Variants in PRKAR1B observed in about 807,000 individuals in gnomAD.
The protein encoded by PRKAR1B is cAMP-dependent protein kinase type I-beta regulatory subunit.
A neutral mutation model predicts 46.5 loss-of-function variants in PRKAR1B; 22 were observed. That is an observed-to-expected ratio of 0.47 (90% confidence interval 0.34 to 0.68). The LOEUF is 0.68. Ranked by LOEUF, PRKAR1B falls within the 30% of genes least tolerant of loss-of-function variation. The pLI, the probability that PRKAR1B is intolerant of heterozygous loss-of-function variation, is 0.01. For synonymous variants in PRKAR1B, 259 were observed against 217.7 expected, an observed-to-expected ratio of 1.19 and a Z score of -1.67; for missense variants, 445 against 535.6, an observed-to-expected ratio of 0.83 and a Z score of 1.67.
intron 4 of PRKAR1B, among the ~76,000 whole-genome samples, chr7:633,735 A>C (rs1783889179): frequency 6.6e-6 from 1 of 151,910 alleles, no homozygotes; most frequent in Non-Finnish European, 1.5e-5. Context: ...CAGGTTCCTG[A>C]GGTGATTTAA....
chr7:598,794 A>G (rs1385297598), intron 6 of PRKAR1B, among the ~76,000 whole-genome samples: 1 of 152,188 alleles, frequency 6.6e-6, no homozygotes, highest in Non-Finnish European at 1.5e-5. Flanking sequence ...GGCGGGTAAC[A>G]TCTTGTGCCC....
intron 9 of PRKAR1B, chr7:565,656 G>C (rs1403917141): frequency 6.6e-6 from 1 of 152,198 alleles, no homozygotes; most frequent in African/African-American, 2.4e-5. Flanking sequence ...ATTTAAAACT[G>C]GTCTGGTGAT....
chr7:561,266 A>G (rs1202635923), intron 9 of PRKAR1B, among the ~76,000 whole-genome samples: 1 of 151,714 alleles, frequency 6.6e-6, no homozygotes, highest in Non-Finnish European at 1.5e-5. Context: ...ACAGGCACAC[A>G]CGCCTGTGCA....
intron 4 of PRKAR1B, among the ~76,000 whole-genome samples, chr7:635,942 A>ACGTCCTC (rs1562578410): frequency 4.3e-5 from 6 of 138,722 alleles, no homozygotes; most frequent in South Asian, 2.3e-4. Context: ...CCGCGCCCAC[A>ACGTCCTC]CATCCTCCAC....
intron 1 of PRKAR1B, chr7:712,648 C>T (rs1357389790): frequency 1.7e-5 from 2 of 117,694 alleles, no homozygotes; most frequent in African/African-American, 6.1e-5. Context: ...CCGGCTCTCC[C>T]CGCCCCCGCC....
chr7:708,340 G>GT (rs1780439849), intron 2 of PRKAR1B, among the ~76,000 whole-genome samples: 2 of 152,074 alleles, frequency 1.3e-5, no homozygotes, highest in East Asian at 3.9e-4. Context: ...TAAGATGCCC[G>GT]GTGTGTGGTA....
chr7:551,218 A>G (rs1339767490), intron 10 of PRKAR1B, among the ~76,000 whole-genome samples, 171 bp downstream of exon 10: 1 of 152,054 alleles, frequency 6.6e-6, no homozygotes. Flanking sequence ...TGGGACTTCA[A>G]TTTGGGGGAA....
chr7:718,412 A>G (rs1554247209), intron 1 of PRKAR1B, among the ~76,000 whole-genome samples: 1 of 147,278 alleles, frequency 6.8e-6, no homozygotes, highest in Non-Finnish European at 1.5e-5. Context: ...GATGGAGTGC[A>G]GTGGCACAAT....
rs191088007 is a variant in PRKAR1B, at chr7:670,448, G to A, written c.440+6781C>T. 1.2e-4 allele frequency among the ~76,000 whole-genome samples: 19 copies of A among 152,378 alleles called. 1 individual carries two copies. The East Asian group carries it at 3.7e-3, about 29-fold the overall frequency. On this transcript the variant is annotated intron_variant, in intron 4 of 10. Transcript: ENST00000537384. ...CCCGTGTTGATAGCTGAGCCCAAGA[G>A]CTAGGCGGCCTGGGCCTCTGAGCTC...
chr7:718,035 C>T lies in PRKAR1B; in HGVS notation c.-22-6508G>A, dbSNP rs187359408. Among the ~76,000 whole-genome samples the T allele has an allele frequency of 6.0e-3, 917 of 152,142 alleles. 11 individuals carry two copies. Among genetic ancestry groups the T allele is most frequent in the African/African-American group, 0.02 (841 of 41,504 alleles). On this transcript the variant is annotated intron_variant, in intron 1 of 10. Coordinates refer to ENST00000537384, the MANE Select transcript of PRKAR1B (RefSeq NM_001164760.2). ...TTCATCAGTGGCTGTAAGAGGACCCCGTGGCCAGGAGCTGAGGGTGGCCTC... is the reference window on the plus strand; with the variant it reads ...TTCATCAGTGGCTGTAAGAGGACCCTGTGGCCAGGAGCTGAGGGTGGCCTC...
Position 550,398 on chromosome 7 carries a change from G to A in PRKAR1B, c.*32C>T. The stretch of plus-strand genomic sequence containing the variant: ...ACGAGCAGGGCACGGCCACCACACT[G>A]GGGAGCTGGGGCTGCAGGGCGGGAG... On this transcript the variant is annotated 3_prime_UTR_variant, in exon 11 of 11. Coordinates refer to ENST00000537384, the MANE Select transcript of PRKAR1B (RefSeq NM_001164760.2). 1 of 1,563,414 alleles carries A rather than the reference G, an allele frequency of 6.4e-7. No homozygotes were observed. The highest frequency in any genetic ancestry group is 8.7e-7 in the Non-Finnish European group (1 of 1,153,476).
At chr7:699,056 G>A (rs537256500) in intron 2 of PRKAR1B, among the ~76,000 whole-genome samples, 3 of 152,178 alleles carry the variant, frequency 2.0e-5, no homozygotes, top group Admixed American at 6.5e-5. Flanking sequence ...GAAGCAGAAG[G>A]GGGGGTTCCA....
intron 9 of PRKAR1B, 119 bp downstream of exon 9, chr7:579,137 G>A (rs531653333): frequency 5.8e-5 from 91 of 1,581,670 alleles, no homozygotes; most frequent in African/African-American, 2.1e-4. Flanking sequence ...ACGGGCGTGC[G>A]GTCACAGGGC....
At chr7:553,320 C>T (rs561361950) in intron 9 of PRKAR1B, among the ~76,000 whole-genome samples, 3 of 152,354 alleles carry the variant, frequency 2.0e-5, no homozygotes, top group South Asian at 2.1e-4. Flanking sequence ...GCCCTGCACG[C>T]CGCCGGCCTC....
intron 4 of PRKAR1B, among the ~76,000 whole-genome samples, chr7:615,751 C>G: frequency 6.7e-6 from 1 of 148,188 alleles, no homozygotes. Context: ...TGGCATGAAC[C>G]CGGGAGGCAG....
chr7:616,588 C>T (rs1782834877), intron 4 of PRKAR1B, among the ~76,000 whole-genome samples: 1 of 152,234 alleles, frequency 6.6e-6, no homozygotes, highest in Admixed American at 6.5e-5. Context: ...TCTGCTGTGG[C>T]AGCCATCGCA....
At chr7:551,518 G>A (rs771234213) in intron 9 of PRKAR1B, 48 bp from the exon 10 acceptor site, 7 of 1,533,634 alleles carry the variant, frequency 4.6e-6, no homozygotes, top group Non-Finnish European at 5.3e-6. Context: ...GCGGGTGCAG[G>A]GTGGGACACA....
intron 4 of PRKAR1B, among the ~76,000 whole-genome samples, chr7:632,120 G>A (rs1050433730): frequency 3.3e-5 from 5 of 152,154 alleles, no homozygotes; most frequent in African/African-American, 1.2e-4. Context: ...CTGCGCACAC[G>A]CAACAGAGCC....
rs913709803 is a variant in PRKAR1B at position 640,538 on chromosome 7, G to A, written c.441-33086C>T. 2.6e-5 allele frequency among the ~76,000 whole-genome samples: 4 copies of A among 152,144 alleles called. No individual in the cohort carries two copies. The East Asian group carries it at 7.7e-4, about 29-fold the overall frequency. On this transcript the variant is annotated intron_variant, in intron 4 of 10. Coordinates refer to ENST00000537384, the MANE Select transcript of PRKAR1B (RefSeq NM_001164760.2). ...AGCACTTCGGGAGGCCGAGGCGGGT[G>A]GACCACCTGAGGTCAGGAGTTCGAG...
Sources: allele counts gnomAD v4.1 joint callset (sites outside exome capture counted in the v4.1 genomes callset), GRCh38; gene constraint gnomAD v4.1.1; transcripts MANE v1.5; gene names NCBI Gene and HGNC (gene_info 2026-07-23, HGNC 2026-07-21).